The following IGSF10 variants were observed in gnomAD, a reference collection of about 807,000 sequenced individuals.
IGSF10 encodes immunoglobulin superfamily member 10, also known as calvaria mechanical force protein 608.
Under a neutral mutation model 128.2 loss-of-function variants are expected in IGSF10, and 126 were observed. The observed-to-expected ratio is 0.98, with a 90% CI of 0.85 to 1.14. The LOEUF is 1.14. Ranked by LOEUF, IGSF10 falls within the 50% of genes most tolerant of loss-of-function variation. IGSF10 has a pLI of 0.00. For missense variants in IGSF10, 3,295 were observed against 3,149.8 expected, an observed-to-expected ratio of 1.05 and a Z score of -1.10; for synonymous variants, 1,185 against 1,146.2, an observed-to-expected ratio of 1.03 and a Z score of -0.68.
chr3:151,558,006 A>ATATATATATAATATATATAT, the IGSF10 span, among the ~76,000 whole-genome samples: 5,154 of 26,356 alleles, frequency 0.2, 532 homozygotes, highest in Non-Finnish European at 0.25. Flanking sequence ...AGTATATATA[A>ATATATATATAATATATATAT]TATATATATA....
the IGSF10 span, among the ~76,000 whole-genome samples, chr3:151,545,958 C>T: frequency 1.3e-5 from 2 of 151,212 alleles, no homozygotes; most frequent in African/African-American, 4.9e-5. Context: ...AGCAGATGAG[C>T]TTAGCCTGGT....
chr3:151,446,555 G>A lies in IGSF10; in HGVS notation c.3426C>T (p.Val1142=), dbSNP rs1721201267. The part of the protein sequence containing the change: ...EISQVTPTGA[V]MTYAPTSIPM... ...GTATGGATGTTGGAGCATATGTCAT[G>A]ACTGCACCAGTTGGAGTCACTTGGG... Residue 1142 remains valine (V), a synonymous_variant, in exon 6 of 8, where the codon GTC becomes GTT. Transcript: ENST00000282466. 6.2e-7 allele frequency: 1 copy of A among 1,613,952 alleles called. No homozygotes were observed. The highest frequency in any genetic ancestry group is 8.5e-7 in the Non-Finnish European group (1 of 1,179,844).
the IGSF10 span, among the ~76,000 whole-genome samples, chr3:151,489,635 G>A: frequency 2.0e-5 from 3 of 152,134 alleles, no homozygotes; most frequent in Admixed American, 6.5e-5. Flanking sequence ...GGAATACTAT[G>A]CAGCCATAAA....
At chr3:151,501,302 G>A in the IGSF10 span, among the ~76,000 whole-genome samples, 1 of 152,018 alleles carries the variant, frequency 6.6e-6, no homozygotes, top group East Asian at 1.9e-4. Context: ...TCATTCAAGA[G>A]CTGGAACAAG....
chr3:151,566,109 A>T, the IGSF10 span: 1 of 152,740 alleles, frequency 6.5e-6, no homozygotes, highest in Admixed American at 6.6e-5. Context: ...GGCCCTAGCT[A>T]CATGTCATGA....
At chr3:151,480,127 T>C in the IGSF10 span, among the ~76,000 whole-genome samples, 52 of 152,258 alleles carry the variant, frequency 3.4e-4, no homozygotes, top group Admixed American at 7.8e-4. Context: ...TAGAAGCTCC[T>C]AGAGCTCTTC....
the IGSF10 span, among the ~76,000 whole-genome samples, chr3:151,466,427 A>C: frequency 5.9e-5 from 9 of 152,298 alleles, 2 homozygotes; most frequent in South Asian, 1.9e-3. Flanking sequence ...AACTGGATTG[A>C]ATTCAATTAG....
At chr3:151,571,601 C>T in the IGSF10 span, among the ~76,000 whole-genome samples, 2 of 152,254 alleles carry the variant, frequency 1.3e-5, no homozygotes, top group African/African-American at 4.8e-5. Context: ...AGTTGCTTAT[C>T]AGCTTAAGGA....
At chr3:151,520,262 C>A in the IGSF10 span, among the ~76,000 whole-genome samples, 1 of 151,736 alleles carries the variant, frequency 6.6e-6, no homozygotes, top group African/African-American at 2.4e-5. Flanking sequence ...TAGAATACTG[C>A]AGAGGTCATA....
chr3:151,474,856 C>T, the IGSF10 span, among the ~76,000 whole-genome samples: 1 of 152,102 alleles, frequency 6.6e-6, no homozygotes. Flanking sequence ...CTCCTCTTTC[C>T]AAAACCACCA....
the IGSF10 span, among the ~76,000 whole-genome samples, chr3:151,512,758 G>A: frequency 5.3e-4 from 81 of 152,126 alleles, no homozygotes; most frequent in African/African-American, 1.0e-3. Context: ...TCAAATAGAC[G>A]CAATAAAAAA....
chr3:151,574,252 C>G, the IGSF10 span, among the ~76,000 whole-genome samples: 11 of 152,216 alleles, frequency 7.2e-5, no homozygotes, highest in South Asian at 1.9e-3. Flanking sequence ...TCCTGAATTT[C>G]AATGTTGGCC....
At chr3:151,515,970 C>T in the IGSF10 span, among the ~76,000 whole-genome samples, 3 of 152,006 alleles carry the variant, frequency 2.0e-5, no homozygotes, top group East Asian at 3.9e-4. Context: ...AGAGGGCTGA[C>T]ACTACATATT....
the IGSF10 span, among the ~76,000 whole-genome samples, chr3:151,496,923 T>C: frequency 1.3e-5 from 2 of 152,192 alleles, no homozygotes; most frequent in African/African-American, 4.8e-5. Flanking sequence ...ATTTCTCTGA[T>C]GGCCAGTGAT....
In IGSF10 at chr3:151,448,704, G is replaced by C. The variant is rs1178550899; in HGVS notation, c.1277C>G (p.Pro426Arg). 6.2e-7 allele frequency: 1 copy of C among 1,614,034 alleles called. No individual in the cohort carries two copies. The highest frequency in any genetic ancestry group is 8.5e-7 in the Non-Finnish European group (1 of 1,179,944). Residue 426 changes from proline (P) to arginine (R), a missense_variant, in exon 6 of 8, where the codon CCC becomes CGC. Coordinates refer to ENST00000282466, the MANE Select transcript of IGSF10 (RefSeq NM_178822.5). ...AATTTGGTCTTGCATTAACCAAGAG[G>C]GATCTGCTCTGAGATCTGCCTCTAT... ...TNIEADLRAD[P>R]SWLMQDQISL...
chr3:151,580,722 G>A, the IGSF10 span, among the ~76,000 whole-genome samples: 5 of 152,064 alleles, frequency 3.3e-5, no homozygotes, highest in South Asian at 6.2e-4. Context: ...GTACACTTAC[G>A]GAGGAATTCT....
chr3:151,619,266 CTTGA>C, the IGSF10 span, among the ~76,000 whole-genome samples: 2 of 152,004 alleles, frequency 1.3e-5, no homozygotes, highest in Non-Finnish European at 2.9e-5. Flanking sequence ...CTGCTTCCAC[CTTGA>C]TTATTTTGAA....
At chr3:151,514,972 G>A in the IGSF10 span, among the ~76,000 whole-genome samples, 4 of 152,214 alleles carry the variant, frequency 2.6e-5, no homozygotes, top group African/African-American at 9.6e-5. Flanking sequence ...GAAACAACAG[G>A]TGCTGGAGAG....
At chr3:151,489,825 G>A in the IGSF10 span, among the ~76,000 whole-genome samples, 4 of 151,984 alleles carry the variant, frequency 2.6e-5, no homozygotes, top group Admixed American at 2.0e-4. Flanking sequence ...CTGTTGGGGG[G>A]TTGCGGGCTA....
Sources: gnomAD v4.1 joint callset for allele counts (sites outside exome capture counted in the v4.1 genomes callset) on GRCh38, gnomAD v4.1.1 for gene constraint, MANE v1.5 for transcripts, NCBI Gene and HGNC (gene_info 2026-07-23, HGNC 2026-07-21) for gene names.